FGF13: variants seen among roughly 807,000 people sequenced by gnomAD.
FGF13 encodes fibroblast growth factor homologous factor 2.
A neutral mutation model predicts 19.5 loss-of-function variants in FGF13; 2 were observed. The ratio of observed to expected loss-of-function variants is 0.10; its 90% CI spans 0.04 to 0.32. FGF13 has a LOEUF of 0.32. FGF13 is among the 10% of genes least tolerant of loss of function. The pLI, the probability that FGF13 is intolerant of heterozygous loss-of-function variation, is 1.00. For synonymous variants in FGF13, 72 were observed against 76.9 expected, an observed-to-expected ratio of 0.94 and a Z score of 0.33; for missense variants, 113 against 192.7, an observed-to-expected ratio of 0.59 and a Z score of 2.45.
chrX:138,682,181 A>G (rs2089735777), intron 3 of FGF13, among the ~76,000 whole-genome samples: 1 of 112,408 alleles, frequency 8.9e-6, no homozygotes, highest in Non-Finnish European at 1.9e-5. Flanking sequence ...TGGTATCAGG[A>G]GTGGATTCCC....
At chrX:139,001,252 A>G (rs992982813) in intron 1 of FGF13, among the ~76,000 whole-genome samples, 2 of 111,950 alleles carry the variant, frequency 1.8e-5, no homozygotes, top group Non-Finnish European at 3.8e-5. Flanking sequence ...AACCTAGGCA[A>G]TACCATTCAG....
intron 3 of FGF13, among the ~76,000 whole-genome samples, chrX:138,648,377 C>G (rs2089330125): frequency 1.8e-5 from 2 of 111,619 alleles, no homozygotes; most frequent in South Asian, 7.6e-4. Context: ...GCGTTCAAGG[C>G]CCTCCACAAT....
intron 3 of FGF13, among the ~76,000 whole-genome samples, chrX:138,808,006 C>G (rs1178883088): frequency 9.0e-6 from 1 of 111,151 alleles, no homozygotes; most frequent in Non-Finnish European, 1.9e-5. Context: ...ACTTTAACAC[C>G]CCACTGTCAA....
At chrX:138,995,798 C>A (rs756619331) in intron 1 of FGF13, among the ~76,000 whole-genome samples, 2 of 112,208 alleles carry the variant, frequency 1.8e-5, no homozygotes, top group East Asian at 5.7e-4. Flanking sequence ...TGGTAAAATG[C>A]TTTATATTCC....
In FGF13 at chrX:138,935,597, C is replaced by T. The variant is rs149944554; in HGVS notation, c.-112-70947G>A. On this transcript the variant is annotated intron_variant, in intron 1 of 2. Transcript: ENST00000421460. ...CCTGAGAGGTGAAAAATAGAGCACA[C>T]GAGATGATGTGTGCTTTATTTCTTT... Among the ~76,000 whole-genome samples the T allele has an allele frequency of 9.7e-3, 1,087 of 111,812 alleles. 13 individuals are homozygous for T. The highest frequency in any genetic ancestry group is 0.033 in the African/African-American group (1,005 of 30,755).
intron 1 of FGF13, among the ~76,000 whole-genome samples, chrX:139,158,338 C>T (rs1051589108): frequency 9.0e-6 from 1 of 110,944 alleles, no homozygotes; most frequent in Admixed American, 9.6e-5. Flanking sequence ...CCCCATTGAG[C>T]CCAGCAAGCT....
At chrX:138,854,746 T>G (rs1171648414), downstream of FGF13, among the ~76,000 whole-genome samples, 1 of 111,628 alleles carries the variant, frequency 9.0e-6, no homozygotes, top group Non-Finnish European at 1.9e-5. Flanking sequence ...GTTTTAACAT[T>G]GCATAAAAAA....
intron 1 of FGF13, among the ~76,000 whole-genome samples, chrX:139,135,136 C>A (rs1476870475): frequency 8.9e-6 from 1 of 112,291 alleles, no homozygotes; most frequent in Non-Finnish European, 1.9e-5. Flanking sequence ...TTGAGTCTTA[C>A]TCTGGTAGAG....
At position 138,958,875 on chromosome X, in the gene FGF13, T is replaced by C. The variant is rs1439588440; in HGVS notation, c.-112-94225A>G. Among the ~76,000 whole-genome samples, 3 of 111,798 alleles carry C rather than the reference T, an allele frequency of 2.7e-5. No individual in the cohort carries two copies. In the East Asian group the frequency reaches 8.5e-4, roughly 31 times the overall value. ...GTGGGATCGGTGGTGATATCCCCTTTATCATTTTTTATTGCGACTATTTGA... is the reference window on the plus strand; with the variant it reads ...GTGGGATCGGTGGTGATATCCCCTTCATCATTTTTTATTGCGACTATTTGA... On this transcript the variant is annotated intron_variant, in intron 1 of 2. Transcript: ENST00000421460.
At chrX:139,148,507 T>C (rs73633983) in intron 1 of FGF13, among the ~76,000 whole-genome samples, 7,868 of 107,071 alleles carry the variant, frequency 0.073, 756 homozygotes, top group African/African-American at 0.25. Context: ...AAAGAATGAC[T>C]GAAAAAAACT....
At chrX:138,899,990 T>A (rs2091523844) in intron 1 of FGF13, among the ~76,000 whole-genome samples, 2 of 110,848 alleles carry the variant, frequency 1.8e-5, no homozygotes, top group South Asian at 7.7e-4. Context: ...ATGCCCTGGG[T>A]TTATTCTCAT....
chrX:138,869,766 G>C (rs1201897234), intron 1 of FGF13, among the ~76,000 whole-genome samples: 1 of 112,117 alleles, frequency 8.9e-6, no homozygotes, highest in Non-Finnish European at 1.9e-5. Flanking sequence ...AATTCTAATA[G>C]AGAAATAAAT....
intron 3 of FGF13, among the ~76,000 whole-genome samples, chrX:138,836,729 A>T (rs2091114610): frequency 9.0e-6 from 1 of 111,594 alleles, no homozygotes; most frequent in Admixed American, 9.5e-5. Flanking sequence ...CCAGTTCCGA[A>T]CCCTTGTTGA....
chrX:139,177,897 AC>A (rs1164962579), intron 1 of FGF13, among the ~76,000 whole-genome samples: 10 of 112,206 alleles, frequency 8.9e-5, no homozygotes, highest in African/African-American at 2.9e-4. Context: ...GGTTGCAAAG[AC>A]CATGGGAAAA....
At chrX:138,879,543 T>C (rs2091410846) in intron 1 of FGF13, among the ~76,000 whole-genome samples, 1 of 111,522 alleles carries the variant, frequency 9.0e-6, no homozygotes, top group African/African-American at 3.3e-5. Flanking sequence ...AGTTCGGGGG[T>C]ACATGTGCAG....
chrX:139,156,684 C>T (rs1166710636), intron 1 of FGF13, among the ~76,000 whole-genome samples: 1 of 111,867 alleles, frequency 8.9e-6, no homozygotes, highest in Non-Finnish European at 1.9e-5. Context: ...CTAACATATT[C>T]TACCATTCTT....
At chrX:138,655,723 A>T (rs1247791502) in intron 3 of FGF13, among the ~76,000 whole-genome samples, 1 of 111,520 alleles carries the variant, frequency 9.0e-6, no homozygotes, top group Non-Finnish European at 1.9e-5. Context: ...AAATAATATT[A>T]TGCAATAAAA....
intron 1 of FGF13, among the ~76,000 whole-genome samples, chrX:138,993,146 A>G (rs2092025322): frequency 8.9e-6 from 1 of 112,193 alleles, no homozygotes; most frequent in African/African-American, 3.2e-5. Flanking sequence ...ACAAGAAAAG[A>G]CAGAACTGTC....
intron 3 of FGF13, among the ~76,000 whole-genome samples, chrX:138,689,778 G>A (rs1298449836): frequency 1.8e-5 from 2 of 112,116 alleles, no homozygotes; most frequent in Non-Finnish European, 3.8e-5. Context: ...ACCCATCATG[G>A]TTCTGTTGAC....
Sources: allele counts gnomAD v4.1 joint callset (sites outside exome capture counted in the v4.1 genomes callset), GRCh38; gene constraint gnomAD v4.1.1; transcripts MANE v1.5; gene names NCBI Gene and HGNC (gene_info 2026-07-23, HGNC 2026-07-21).